The following G3BP2 variants were observed in gnomAD, a reference collection of about 807,000 sequenced individuals.
G3BP2 encodes the protein G3BP stress granule assembly factor 2.
In G3BP2, 11 loss-of-function variants were observed where a neutral mutation model predicts 56.7. That is an observed-to-expected ratio of 0.19 (90% CI 0.12 to 0.32). G3BP2 has a LOEUF of 0.32. Among genes scored for constraint, G3BP2 ranks in the 10% least tolerant of loss-of-function variants. G3BP2 has a pLI of 1.00. For missense variants in G3BP2, 340 were observed against 610.9 expected, an observed-to-expected ratio of 0.56 and a Z score of 4.67; for synonymous variants, 165 against 191.6, an observed-to-expected ratio of 0.86 and a Z score of 1.15.
chr4:75,723,410 T>G (rs1176578863), intron 1 of G3BP2, among the ~76,000 whole-genome samples: 1 of 152,124 alleles, frequency 6.6e-6, no homozygotes, highest in Non-Finnish European at 1.5e-5. Context: ...ACAAACTAAT[T>G]AGGAGGCTGT....
intron 1 of G3BP2, among the ~76,000 whole-genome samples, chr4:75,671,928 A>T (rs1472140612): frequency 6.6e-6 from 1 of 152,198 alleles, no homozygotes; most frequent in East Asian, 1.9e-4. Context: ...TTAACTGCCA[A>T]ATATGGAGCT....
At chr4:75,657,493 C>A (rs1732208479) in intron 4 of G3BP2, 64 bp downstream of exon 4, 1 of 1,231,526 alleles carries the variant, frequency 8.1e-7, no homozygotes, top group African/African-American at 1.5e-5. Context: ...TTAGAAGAAA[C>A]CTCTGGACAC....
chr4:75,647,025 T>G lies in G3BP2; in HGVS notation c.1057+4A>C. ...AAACTCCAACAGCAAAATAAATCAC[T>G]TACTCATGAAGAATTCCTTTAGCTC... On this transcript the variant is annotated splice_donor_region_variant and intron_variant, in intron 10 of 11. Transcript: ENST00000359707. 6.4e-7 allele frequency: 1 copy of G among 1,567,288 alleles called. No homozygotes were observed. Among genetic ancestry groups the G allele is most frequent in the South Asian group, 1.2e-5 (1 of 85,198 alleles).
intron 1 of G3BP2, among the ~76,000 whole-genome samples, chr4:75,666,660 A>G (rs1733061745): frequency 1.3e-5 from 2 of 152,248 alleles, no homozygotes; most frequent in Admixed American, 6.5e-5. Context: ...GTTCGTATTT[A>G]TAATTCATGC....
At position 75,656,981 on chromosome 4, in the gene G3BP2, C is replaced by A; in HGVS notation, c.385G>T (p.Asp129Tyr). The A allele has an allele frequency of 6.6e-7, 1 of 1,517,492 alleles. No homozygotes were observed. Among genetic ancestry groups the A allele is most frequent in the Non-Finnish European group, 9.1e-7 (1 of 1,100,898 alleles). The allele number at this position is 1,517,492 out of a possible 1,614,324, so 94.0% of individuals were successfully genotyped here. Residue 129 changes from aspartate to tyrosine, a missense_variant, in exon 5 of 12, where the codon GAT (aspartate) becomes TAT (tyrosine). By Grantham distance (160) the Asp-to-Tyr change is radical. Coordinates refer to ENST00000359707, the MANE Select transcript of G3BP2 (RefSeq NM_203505.3). ...SVPNKFYVHNDMFRYEDEVFG... is the reference protein window; with the variant it reads ...SVPNKFYVHNYMFRYEDEVFG... ...ACTTCATCTTCATAACGAAACATAT[C>A]ATTGTGAACATAAAATTTATTTGGA... is the stretch of plus-strand genomic sequence containing the variant.
chr4:75,656,885 C>T lies in G3BP2; in HGVS notation c.442+39G>A, dbSNP rs780968498. The T allele has an allele frequency of 4.3e-6, 4 of 923,822 alleles. No homozygotes were observed. In the Admixed American group the frequency reaches 5.7e-5, roughly 13 times the overall value. The allele number at this position is 923,822 out of a possible 1,614,324, so 57.2% of individuals were successfully genotyped here. A position where few individuals can be genotyped will look rare whatever the true frequency, so the allele number is the denominator to read the frequency against. The stretch of plus-strand genomic sequence containing the variant: ...GAAATTAGTCCATAAAGAGTACCAA[C>T]AGAACCCTTCTATCTTCATATCTTC... On this transcript the variant is annotated intron_variant, in intron 5 of 11. Transcript: ENST00000359707.
At chr4:75,668,163 G>C (rs916372182) in intron 1 of G3BP2, among the ~76,000 whole-genome samples, 2 of 152,190 alleles carry the variant, frequency 1.3e-5, no homozygotes, top group Non-Finnish European at 2.9e-5. Context: ...TACACACTGA[G>C]AGGGAGTGGA....
chr4:75,700,330 G>A (rs1489974683), intron 3 of G3BP2, among the ~76,000 whole-genome samples: 1 of 148,654 alleles, frequency 6.7e-6, no homozygotes, highest in Admixed American at 6.8e-5. Flanking sequence ...GGGATTACAG[G>A]CGTGAGCCAC....
At chr4:75,708,947 A>C (rs1719650144) in intron 3 of G3BP2, among the ~76,000 whole-genome samples, 1 of 152,110 alleles carries the variant, frequency 6.6e-6, no homozygotes, top group Non-Finnish European at 1.5e-5. Flanking sequence ...CCTGTCTATA[A>C]AAAATACAAA....
At chr4:75,709,110 C>CA in intron 3 of G3BP2, among the ~76,000 whole-genome samples, 1 of 144,600 alleles carries the variant, frequency 6.9e-6, no homozygotes, top group Middle Eastern at 4.4e-3. Flanking sequence ...TTGTCTGAAA[C>CA]AATAACAACA....
rs184128951 is a variant in G3BP2, at chr4:75,643,074, A to T, written c.*2356T>A. ...TAGATGAATATTTTTACTCTGTTTC[A>T]CTGAAAAGAGGACAAAATGTTAAAA... On this transcript the variant is annotated 3_prime_UTR_variant, in exon 12 of 12. Coordinates refer to ENST00000359707, the MANE Select transcript of G3BP2 (RefSeq NM_203505.3). 5 of 152,512 alleles carry T rather than the reference A, an allele frequency of 3.3e-5. No individual in the cohort carries two copies. The highest frequency in any genetic ancestry group is 1.2e-4 in the African/African-American group (5 of 41,500). The allele number at this position is 152,512 out of a possible 1,614,324, so 9.4% of individuals were successfully genotyped here. A position where few individuals can be genotyped will look rare whatever the true frequency, so the allele number is the denominator to read the frequency against.
chr4:75,660,550 TAAGG>T (rs1421701866), intron 2 of G3BP2, among the ~76,000 whole-genome samples: 1 of 152,096 alleles, frequency 6.6e-6, no homozygotes, highest in Admixed American at 6.5e-5. Flanking sequence ...AAGACTGTCA[TAAGG>T]AATACATAAT....
At chr4:75,669,624 G>A (rs965048640) in intron 1 of G3BP2, among the ~76,000 whole-genome samples, 3 of 152,126 alleles carry the variant, frequency 2.0e-5, no homozygotes, top group Admixed American at 2.0e-4. Flanking sequence ...TCTCATCCCT[G>A]TATCAAATTC....
At chr4:75,656,847 T>C (rs1732158249) in intron 5 of G3BP2, 77 bp downstream of exon 5, 3 of 720,832 alleles carry the variant, frequency 4.2e-6, no homozygotes, top group Non-Finnish European at 4.8e-6. Context: ...TTTCCGTAGA[T>C]GTCATACTTA....
intron 3 of G3BP2, among the ~76,000 whole-genome samples, chr4:75,680,161 A>G (rs1396409394): frequency 1.3e-5 from 2 of 152,174 alleles, no homozygotes; most frequent in Admixed American, 6.5e-5. Flanking sequence ...CAGATATTCT[A>G]TGTCTTTGGA....
intron 6 of G3BP2, 96 bp from the exon 7 acceptor site, chr4:75,655,342 A>AT: frequency 1.2e-6 from 1 of 853,348 alleles, no homozygotes. Flanking sequence ...GTTATATGCC[A>AT]ATAACTTGTT....
chr4:75,682,195 T>C (rs1465270427), intron 3 of G3BP2, among the ~76,000 whole-genome samples: 1 of 152,026 alleles, frequency 6.6e-6, no homozygotes, highest in Non-Finnish European at 1.5e-5. Flanking sequence ...GGCAGGCGGA[T>C]CACGAGGTCA....
chr4:75,659,064 G>A, intron 2 of G3BP2, 140 bp from the exon 3 acceptor site: 1 of 661,388 alleles, frequency 1.5e-6, no homozygotes, highest in Non-Finnish European at 2.7e-6. Context: ...GTTACTTAAG[G>A]TCTTCAAGTT....
At chr4:75,707,924 G>A (rs1192529539) in intron 3 of G3BP2, among the ~76,000 whole-genome samples, 1 of 152,036 alleles carries the variant, frequency 6.6e-6, no homozygotes, top group African/African-American at 2.4e-5. Flanking sequence ...TACTACAAAT[G>A]ACCTGCTTTT....
Sources: gnomAD v4.1 joint callset for allele counts (sites outside exome capture counted in the v4.1 genomes callset) on GRCh38, gnomAD v4.1.1 for gene constraint, MANE v1.5 for transcripts, NCBI Gene and HGNC (gene_info 2026-07-23, HGNC 2026-07-21) for gene names.